PWWP2A: variants seen among roughly 807,000 people sequenced by gnomAD.
PWWP2A encodes the protein PWWP domain-containing protein 2A.
In PWWP2A, 18 loss-of-function variants were observed where a neutral mutation model predicts 48.5. The observed-to-expected ratio is 0.37, with a 90% confidence interval of 0.26 to 0.55. PWWP2A has a LOEUF of 0.55. PWWP2A is among the 20% of genes least tolerant of loss of function. The pLI is 0.81. For missense variants in PWWP2A, 867 were observed against 976.4 expected, an observed-to-expected ratio of 0.89 and a Z score of 1.49; for synonymous variants, 396 against 387.7, an observed-to-expected ratio of 1.02 and a Z score of -0.25.
At chr5:160,067,748 T>G (rs551022526) in intron 2 of PWWP2A, among the ~76,000 whole-genome samples, 1 of 152,336 alleles carries the variant, frequency 6.6e-6, no homozygotes, top group South Asian at 2.1e-4. Flanking sequence ...CTTTGCTGCT[T>G]CCAACATTTG....
downstream of PWWP2A, chr5:160,090,658 C>G (rs1016664340): frequency 6.1e-6 from 6 of 982,320 alleles, no homozygotes; most frequent in Admixed American, 3.1e-4. Context: ...AGAAAGCTGA[C>G]AAGACTATTG....
chr5:160,077,682 A>G lies in PWWP2A; in HGVS notation c.*473T>C, dbSNP rs574727395. ...TTGGCATATGTGACTATTGCTTTTCATAGAAGAGCCATTTTAGAAATACCT... is the reference window on the plus strand; with the variant it reads ...TTGGCATATGTGACTATTGCTTTTCGTAGAAGAGCCATTTTAGAAATACCT... On this transcript the variant is annotated 3_prime_UTR_variant, in exon 4 of 4. Transcript: ENST00000456329. This position sits in a 1 kb window ranked among gnomAD's most constrained non-coding sequence, Gnocchi z 4.2. 7 of 152,960 alleles carry G rather than the reference A, an allele frequency of 4.6e-5. No homozygotes were observed. Among genetic ancestry groups the G allele is most frequent in the African/African-American group, 1.7e-4 (7 of 41,578 alleles). 9.5% of individuals were successfully genotyped at this position (152,960 alleles called of 1,614,324 possible).
chr5:160,088,944 T>G (rs1754851694), downstream of PWWP2A, among the ~76,000 whole-genome samples: 1 of 152,230 alleles, frequency 6.6e-6, no homozygotes, highest in South Asian at 2.1e-4. Flanking sequence ...GTAACTCAAT[T>G]TAATATGTTG....
chr5:160,113,343 A>C (rs1160100758), intron 1 of PWWP2A: 1 of 982,334 alleles, frequency 1.0e-6, no homozygotes, highest in Non-Finnish European at 1.2e-6. Flanking sequence ...AAAAATAATA[A>C]TACAACAGGG....
At chr5:160,082,581 T>C (rs1025404063) in intron 2 of PWWP2A, among the ~76,000 whole-genome samples, 1 of 152,256 alleles carries the variant, frequency 6.6e-6, no homozygotes, top group Admixed American at 6.5e-5. Flanking sequence ...AATGATCTCA[T>C]GTTTCCCTGT....
intron 4 of PWWP2A, chr5:160,065,121 G>A: frequency 1.3e-6 from 2 of 1,587,246 alleles, no homozygotes; most frequent in South Asian, 2.3e-5. Flanking sequence ...CTTGCTGTTA[G>A]CTAGGGGAAA....
At chr5:160,085,991 G>C (rs1443228631) in intron 2 of PWWP2A, among the ~76,000 whole-genome samples, 1 of 151,250 alleles carries the variant, frequency 6.6e-6, no homozygotes, top group African/African-American at 2.4e-5. Flanking sequence ...GCTCATTTTT[G>C]TATTTTTAAT....
intron 2 of PWWP2A, among the ~76,000 whole-genome samples, chr5:160,081,239 CTTTT>C (rs11410217): frequency 4.5e-5 from 6 of 133,758 alleles, no homozygotes; most frequent in Admixed American, 1.6e-4. Flanking sequence ...CAATGACCCC[CTTTT>C]TTTTTTTTTT....
intron 1 of PWWP2A, among the ~76,000 whole-genome samples, chr5:160,106,989 A>G (rs987216229): frequency 4.0e-5 from 6 of 151,656 alleles, no homozygotes; most frequent in African/African-American, 1.2e-4. Flanking sequence ...ACGCTCAACT[A>G]ATTTTTTTGT....
chr5:160,090,170 GTTT>G (rs922403629), downstream of PWWP2A: 4 of 910,566 alleles, frequency 4.4e-6, no homozygotes, highest in East Asian at 3.6e-4. Flanking sequence ...CAACAATCAT[GTTT>G]TTTTTTTCTT....
At chr5:160,114,805 A>C (rs1581285860) in intron 1 of PWWP2A, among the ~76,000 whole-genome samples, 1 of 148,508 alleles carries the variant, frequency 6.7e-6, no homozygotes, top group South Asian at 2.1e-4. Context: ...AACCAGCCTG[A>C]GCAACATGGT....
intron 1 of PWWP2A, among the ~76,000 whole-genome samples, chr5:160,112,352 C>T (rs1561703590): frequency 1.3e-5 from 2 of 151,928 alleles, no homozygotes; most frequent in South Asian, 2.1e-4. Flanking sequence ...TCCTGAGTAG[C>T]TGGGATTATA....
downstream of PWWP2A, among the ~76,000 whole-genome samples, chr5:160,059,076 C>T (rs1020141819): frequency 6.6e-6 from 1 of 152,196 alleles, no homozygotes; most frequent in Non-Finnish European, 1.5e-5. Context: ...AACTTAAAGT[C>T]ACCAGCTGTA....
chr5:160,092,501 G>C lies in PWWP2A; in HGVS notation c.2149C>G (p.Gln717Glu). 1 of 1,551,612 alleles carries C rather than the reference G, an allele frequency of 6.4e-7. No homozygotes were observed. Among genetic ancestry groups the C allele is most frequent in the Non-Finnish European group, 8.7e-7 (1 of 1,146,992 alleles). ...TTTCTCTTCTTATTAAAGCGTGACT[G>C]GAAGTTTTCTAAAAAGGGGGAGAGT... ...SQLSPFLENFQSRFNKKRKGL... is the reference protein window; with the variant it reads ...SQLSPFLENFESRFNKKRKGL... The change falls in exon 2 of 2, where the codon CAG becomes GAG. Residue 717 changes from glutamine (Q) to glutamate (E), a missense_variant. Physicochemically the swap from Gln to Glu is conservative, Grantham distance 29. Transcript: ENST00000307063.
At chr5:160,083,963 G>T (rs1053594710) in intron 2 of PWWP2A, among the ~76,000 whole-genome samples, 1 of 152,172 alleles carries the variant, frequency 6.6e-6, no homozygotes, top group Non-Finnish European at 1.5e-5. Flanking sequence ...AAACTAGTGA[G>T]TCCATGCTAC....
At chr5:160,048,126 C>CTTTTTTTTTTTTTTTTTT in the PWWP2A span, among the ~76,000 whole-genome samples, 1 of 35,538 alleles carries the variant, frequency 2.8e-5, no homozygotes, top group African/African-American at 1.2e-4. Context: ...CAAGACATTG[C>CTTTTTTTTTTTTTTTTTT]TTTTTTTTTT....
intron 1 of PWWP2A, among the ~76,000 whole-genome samples, chr5:160,115,821 A>G (rs1274317918): frequency 1.3e-5 from 2 of 152,122 alleles, no homozygotes; most frequent in East Asian, 1.9e-4. Context: ...CCTGAGCAAC[A>G]TAGCGAGACC....
At chr5:160,064,463 T>C (rs1272209436) in intron 4 of PWWP2A, among the ~76,000 whole-genome samples, 1 of 152,204 alleles carries the variant, frequency 6.6e-6, no homozygotes, top group Non-Finnish European at 1.5e-5. Context: ...TCAGTGGAAA[T>C]GGGCTGAGTT....
intron 4 of PWWP2A, among the ~76,000 whole-genome samples, chr5:160,065,996 T>G (rs1225816474): frequency 1.3e-5 from 2 of 152,228 alleles, no homozygotes; most frequent in Non-Finnish European, 2.9e-5. Context: ...CATGCAAGTT[T>G]CATCTTGGAT....
Sources: allele counts gnomAD v4.1 joint callset (sites outside exome capture counted in the v4.1 genomes callset), GRCh38; gene constraint gnomAD v4.1.1; non-coding constraint Gnocchi (gnomAD v3.1); transcripts MANE v1.5; gene names NCBI Gene and HGNC (gene_info 2026-07-23, HGNC 2026-07-21).